NPHS1: variants seen among roughly 807,000 people sequenced by gnomAD.
The protein encoded by NPHS1 is NPHS1 adhesion molecule, nephrin.
In NPHS1, 107 loss-of-function variants were observed where a neutral mutation model predicts 139.7. The ratio of observed to expected loss-of-function variants is 0.77; its 90% CI spans 0.66 to 0.90. The LOEUF is 0.90. Among genes scored for constraint, NPHS1 ranks in the 40% least tolerant of loss-of-function variants. The probability of loss-of-function intolerance (pLI) is 0.00; values close to 1 mark genes in which losing one functional copy is unlikely to be tolerated. For missense variants in NPHS1, 1,580 were observed against 1,654.2 expected, an observed-to-expected ratio of 0.96 and a Z score of 0.78; for synonymous variants, 707 against 706.6, an observed-to-expected ratio of 1.00 and a Z score of -0.01.
chr19:35,848,461 G>A (rs1337270283), intron 9 of NPHS1, 64 bp from the exon 10 acceptor site: 53 of 1,610,608 alleles, frequency 3.3e-5, no homozygotes, highest in Non-Finnish European at 4.3e-5. Context: ...CTAGAGGCCT[G>A]AGTCCATCCC....
chr19:35,849,171 C>A (rs754605317), intron 7 of NPHS1, 24 bp from the exon 8 acceptor site: 2 of 1,612,300 alleles, frequency 1.2e-6, no homozygotes, highest in East Asian at 2.2e-5. Context: ...CAGGCCTGGG[C>A]CAGCTCAGGA....
In NPHS1 at chr19:35,831,743, C is replaced by A. The variant is rs1972888608; in HGVS notation, c.3186G>T (p.Leu1062=). The change falls in exon 24 of 29, where the codon CTG becomes CTT. Residue 1062 remains leucine, a synonymous_variant. Coordinates refer to ENST00000378910, the MANE Select transcript of NPHS1 (RefSeq NM_004646.4). ...EPPSGPSGLP[L]LPVLFALGGL... ...CCCCAAGAGCGAACAGCACAGGCAG[C>A]AGGGGCAGCCCCGAGGGTCCTAGGG... is the stretch of plus-strand genomic sequence containing the variant. 3.2e-6 allele frequency: 5 copies of A among 1,578,670 alleles called. No individual in the cohort carries two copies. The highest frequency in any genetic ancestry group is 4.3e-6 in the Non-Finnish European group (5 of 1,162,846).
At position 35,852,304 on chromosome 19, in the gene NPHS1, G is replaced by GTC. The variant is rs139954720; in HGVS notation, c.-469_-468dup. ...TGTCTCTGTCTCTTCCTCTCTCTCT[G>GTC]TCTCTCTCTCTCTCTCTCTCTCAAT... On this transcript the variant is annotated 5_prime_UTR_variant, in exon 1 of 29. Coordinates refer to ENST00000378910, the MANE Select transcript of NPHS1 (RefSeq NM_004646.4). Among the ~76,000 whole-genome samples, 140 of 145,144 alleles carry GTC rather than the reference G, an allele frequency of 9.6e-4. No homozygotes were observed. The East Asian group carries it at 0.013, about 14-fold the overall frequency.
intron 20 of NPHS1, among the ~76,000 whole-genome samples, chr19:35,840,396 G>A (rs1051454433): frequency 3.9e-4 from 59 of 149,808 alleles, no homozygotes; most frequent in Non-Finnish European, 8.1e-4. Flanking sequence ...GTGCAGTGGT[G>A]CGATCTTGAC....
intron 28 of NPHS1, among the ~76,000 whole-genome samples, chr19:35,828,459 T>A (rs1463076500): frequency 6.6e-6 from 1 of 152,056 alleles, no homozygotes; most frequent in Non-Finnish European, 1.5e-5. Flanking sequence ...AGAGACGGGG[T>A]TTCACCATGT....
Position 35,849,231 on chromosome 19 carries a change from C to T in NPHS1, c.840+5G>A. ...CCCATTCCCCATGCCCGCGTTTGCCCTCACCTTCAGCCACTGCAGTGTGGC... is the reference window on the plus strand; with the variant it reads ...CCCATTCCCCATGCCCGCGTTTGCCTTCACCTTCAGCCACTGCAGTGTGGC... On this transcript the variant is annotated splice_donor_5th_base_variant and intron_variant, in intron 7 of 28. Transcript: ENST00000378910. The T allele has an allele frequency of 3.1e-6, 5 of 1,613,918 alleles. No homozygotes were observed. The highest frequency in any genetic ancestry group is 4.2e-6 in the Non-Finnish European group (5 of 1,180,044).
At position 35,842,487 on chromosome 19, in the gene NPHS1, G is replaced by A. The variant is rs114896482; in HGVS notation, c.2398C>T (p.Arg800Cys). Residue 800 changes from arginine to cysteine, a missense_variant, in exon 18 of 29, where the codon CGC becomes TGC. By Grantham distance (180) the Arg-to-Cys change is radical (BLOSUM62 -3). Transcript: ENST00000378910. ...MEKISRGPTG[R>C]LRIHHAKLAQ... ...AGTTTGGCATGGTGAATCCGCAGGC[G>A]CCCCGTTGGTCCCCTGGATATCTTC... 1.0e-3 allele frequency: 1,613 copies of A among 1,614,076 alleles called. 11 individuals are homozygous for A. The highest frequency in any genetic ancestry group is 6.5e-3 in the East Asian group (290 of 44,876).
At chr19:35,842,031 C>T (rs932816870) in intron 19 of NPHS1, 93 bp downstream of exon 19, 10 of 1,458,614 alleles carry the variant, frequency 6.9e-6, no homozygotes, top group African/African-American at 4.2e-5. Context: ...TCCACCCATT[C>T]GTCTTCCTTC....
At chr19:35,846,330 C>T in intron 11 of NPHS1, 136 bp from the exon 12 acceptor site, 2 of 866,900 alleles carry the variant, frequency 2.3e-6, no homozygotes, top group East Asian at 2.7e-5. Context: ...GCACTCTCAT[C>T]AGCACCACCC....
rs1477125265 is a variant in NPHS1 at position 35,852,310 on chromosome 19, C to G, written c.-473G>C. 1.3e-5 allele frequency among the ~76,000 whole-genome samples: 2 copies of G among 150,600 alleles called. No homozygotes were observed. The highest frequency in any genetic ancestry group is 1.9e-4 in the East Asian group (1 of 5,170). ...TGTCTCTTCCTCTCTCTCTGTCTCT[C>G]TCTCTCTCTCTCTCTCAATCTCTAT... On this transcript the variant is annotated 5_prime_UTR_variant, in exon 1 of 29. Transcript: ENST00000378910.
chr19:35,847,292 G>A (rs1222757404), intron 11 of NPHS1, among the ~76,000 whole-genome samples: 8 of 142,912 alleles, frequency 5.6e-5, no homozygotes, highest in South Asian at 2.2e-4. Context: ...TGATCCGCCC[G>A]CCTCAGCCTC....
At chr19:35,847,671 G>GT (rs553348469) in intron 11 of NPHS1, among the ~76,000 whole-genome samples, 8,963 of 135,998 alleles carry the variant, frequency 0.066, 324 homozygotes, top group African/African-American at 0.11. Flanking sequence ...TTACAGCATT[G>GT]TTTTTTTTTT....
intron 10 of NPHS1, 39 bp downstream of exon 10, chr19:35,848,214 G>A: frequency 6.2e-7 from 1 of 1,614,174 alleles, no homozygotes; most frequent in Non-Finnish European, 8.5e-7. Flanking sequence ...GCTGGGTCCT[G>A]AGGCTTGGGG....
rs386833929 is a variant in NPHS1, at chr19:35,851,373, G to C, written c.286C>G (p.Leu96Val). Reference protein sequence around the residue: ...EGDPARGEFHLHIEACDLSDD... With the variant: ...EGDPARGEFHVHIEACDLSDD... ...CTGAGGTCACAGGCCTCGATGTGCA[G>C]GTGGAATTCACCTGCAGGGGGAGCC... The change falls in exon 3 of 29, where the codon CTG (leucine) becomes GTG (valine). Residue 96 changes from leucine to valine, a missense_variant. Physicochemically the swap from Leu to Val is conservative, Grantham distance 32 (BLOSUM62 1). Transcript: ENST00000378910. 2 of 1,613,134 alleles carry C rather than the reference G, an allele frequency of 1.2e-6. No individual in the cohort carries two copies. Among genetic ancestry groups the C allele is most frequent in the Admixed American group, 1.7e-5 (1 of 59,840 alleles).
At chr19:35,849,170 G>A (rs988486882) in intron 7 of NPHS1, 23 bp from the exon 8 acceptor site, 2 of 1,612,042 alleles carry the variant, frequency 1.2e-6, no homozygotes, top group Admixed American at 1.7e-5. Flanking sequence ...ACAGGCCTGG[G>A]CCAGCTCAGG....
intron 28 of NPHS1, among the ~76,000 whole-genome samples, chr19:35,827,298 A>T (rs895111536): frequency 2.3e-4 from 35 of 151,994 alleles, no homozygotes; most frequent in African/African-American, 7.7e-4. Flanking sequence ...GCCTATAAAA[A>T]ATATTTTTAA....
chr19:35,847,049 C>G (rs1029535533), intron 11 of NPHS1, among the ~76,000 whole-genome samples: 14 of 152,062 alleles, frequency 9.2e-5, no homozygotes, highest in African/African-American at 3.1e-4. Flanking sequence ...CTTTTCTTTT[C>G]TTTTCTTTTT....
In NPHS1 at chr19:35,849,574, C is replaced by T. The variant is rs1973199345; in HGVS notation, c.688G>A (p.Ala230Thr). 6.2e-7 allele frequency: 1 copy of T among 1,614,030 alleles called. No individual in the cohort carries two copies. The highest frequency in any genetic ancestry group is 8.5e-7 in the Non-Finnish European group (1 of 1,179,926). Reference protein sequence around the residue: ...SSPALEAPIKASFTVNVLFPP... With the variant: ...SSPALEAPIKTSFTVNVLFPP... ...CACAGAACATTCACGGTGAATGAGG[C>T]CTTGATGGGGGCCTCCAGTGCTGGG... Residue 230 changes from alanine (A) to threonine (T), a missense_variant, in exon 6 of 29, where the codon GCC (alanine) becomes ACC (threonine). Coordinates refer to ENST00000378910, the MANE Select transcript of NPHS1 (RefSeq NM_004646.4).
chr19:35,845,866 T>C lies in NPHS1; in HGVS notation c.1628-68A>G, dbSNP rs557894087. The C allele has an allele frequency of 1.0e-5, 16 of 1,578,842 alleles. 1 individual carries two copies. The South Asian group carries it at 1.7e-4, about 17-fold the overall frequency. On this transcript the variant is annotated intron_variant, in intron 12 of 28. Coordinates refer to ENST00000378910, the MANE Select transcript of NPHS1 (RefSeq NM_004646.4). The surrounding 1 kb of genome is among the most constrained non-coding windows in gnomAD (Gnocchi z 5.5). Reference sequence around the variant, plus strand: ...CGGCCTGGTCTGCGTCCACCCCGCCTGCACCCCAGGCTCCGCCCAGTCTCG... The same window carrying C: ...CGGCCTGGTCTGCGTCCACCCCGCCCGCACCCCAGGCTCCGCCCAGTCTCG...
Sources: gnomAD v4.1 joint callset for allele counts (sites outside exome capture counted in the v4.1 genomes callset) on GRCh38, gnomAD v4.1.1 for gene constraint, Gnocchi (gnomAD v3.1) non-coding constraint, MANE v1.5 for transcripts, NCBI Gene and HGNC (gene_info 2026-07-23, HGNC 2026-07-21) for gene names.